RARB: variants seen among roughly 807,000 people sequenced by gnomAD.
The protein encoded by RARB is retinoic acid receptor beta.
In RARB, 17 loss-of-function variants were observed where a neutral mutation model predicts 51.9. The ratio of observed to expected loss-of-function variants is 0.33; its 90% CI spans 0.22 to 0.49. The LOEUF is 0.49. Among genes scored for constraint, RARB ranks in the 20% least tolerant of loss-of-function variants. RARB has a pLI of 0.99. For synonymous variants in RARB, 215 were observed against 195.4 expected, an observed-to-expected ratio of 1.10 and a Z score of -0.84; for missense variants, 369 against 550.8, an observed-to-expected ratio of 0.67 and a Z score of 3.30.
intron 4 of RARB, among the ~76,000 whole-genome samples, chr3:25,164,683 A>G (rs78433279): frequency 0.012 from 1,843 of 152,312 alleles, 33 homozygotes; most frequent in African/African-American, 0.039. Context: ...TGGGGACCCT[A>G]TTATGGTTTC....
chr3:25,315,604 T>C (rs540393552), intron 5 of RARB, among the ~76,000 whole-genome samples: 49 of 152,262 alleles, frequency 3.2e-4, no homozygotes, highest in African/African-American at 1.1e-3. Context: ...GGATGCATAG[T>C]GCTTCCTGCC....
chr3:25,026,620 T>C (rs1697755398), intron 2 of RARB, among the ~76,000 whole-genome samples: 1 of 111,230 alleles, frequency 9.0e-6, no homozygotes, highest in African/African-American at 3.4e-5. Context: ...AATCTCCAAA[T>C]CACATTCTGA....
intron 5 of RARB, among the ~76,000 whole-genome samples, chr3:25,406,909 C>T (rs1425204171): frequency 1.3e-5 from 2 of 152,192 alleles, no homozygotes; most frequent in Non-Finnish European, 2.9e-5. Context: ...GGCTGCTAAT[C>T]ATCCCCACCA....
At chr3:25,304,684 G>A (rs1704116435) in intron 5 of RARB, among the ~76,000 whole-genome samples, 1 of 152,056 alleles carries the variant, frequency 6.6e-6, no homozygotes, top group African/African-American at 2.4e-5. Flanking sequence ...ATTTCACCTG[G>A]GTTATTATAA....
At chr3:25,042,270 A>C (rs190924293) in intron 2 of RARB, among the ~76,000 whole-genome samples, 1 of 152,252 alleles carries the variant, frequency 6.6e-6, no homozygotes, top group African/African-American at 2.4e-5. Context: ...TTGTTCATCA[A>C]CAGGTCTACT....
chr3:25,008,213 G>A (rs1179762586), intron 2 of RARB, among the ~76,000 whole-genome samples: 2 of 152,126 alleles, frequency 1.3e-5, no homozygotes, highest in African/African-American at 4.8e-5. Context: ...GAATTTGAGT[G>A]CCTTTTGGCA....
chr3:24,960,877 T>C (rs752101518), intron 2 of RARB, among the ~76,000 whole-genome samples: 2 of 151,972 alleles, frequency 1.3e-5, no homozygotes, highest in Non-Finnish European at 2.9e-5. Flanking sequence ...CACATAAAAA[T>C]GTTTGGTAGG....
At chr3:25,160,883 C>G (rs1028980526) in intron 4 of RARB, among the ~76,000 whole-genome samples, 3 of 152,088 alleles carry the variant, frequency 2.0e-5, no homozygotes, top group Non-Finnish European at 4.4e-5. Context: ...AAGCACATCA[C>G]CCCAAATTCT....
intron 2 of RARB, among the ~76,000 whole-genome samples, chr3:24,958,556 A>G (rs531162753): frequency 1.3e-5 from 2 of 152,178 alleles, no homozygotes; most frequent in African/African-American, 4.8e-5. Context: ...TTCACTGTTT[A>G]GGAATTTATC....
chr3:25,059,706 A>C (rs868801481), intron 2 of RARB, among the ~76,000 whole-genome samples: 5 of 151,772 alleles, frequency 3.3e-5, no homozygotes, highest in African/African-American at 7.2e-5. Context: ...AACAAATTAC[A>C]AGAGAATACG....
chr3:25,488,877 A>G (rs1017062997), intron 2 of RARB, among the ~76,000 whole-genome samples: 16 of 152,184 alleles, frequency 1.1e-4, no homozygotes, highest in African/African-American at 3.9e-4. Flanking sequence ...CTGGAGAACA[A>G]TCTAACTAAT....
intron 3 of RARB, among the ~76,000 whole-genome samples, chr3:25,532,020 G>A (rs1698949753): frequency 6.6e-6 from 1 of 152,188 alleles, no homozygotes; most frequent in Non-Finnish European, 1.5e-5. Flanking sequence ...GAGCTGTGCA[G>A]TTTTAATGAA....
In RARB at chr3:25,052,247, G is replaced by C. The variant is rs575834646; in HGVS notation, c.-379-7878G>C. ...TATTATCACAATATGTGACAGAGAG[G>C]ATGCATCCCATTGTGTATGTGATTC... is the stretch of plus-strand genomic sequence containing the variant. On this transcript the variant is annotated intron_variant, in intron 2 of 11. Coordinates refer to the RARB transcript ENST00000383772. Among the ~76,000 whole-genome samples, 158 of 152,214 alleles carry C rather than the reference G, an allele frequency of 1.0e-3. 4 individuals are homozygous for C. The highest frequency in any genetic ancestry group is 0.01 in the Admixed American group (157 of 15,276).
chr3:25,109,775 G>A (rs1004762443), intron 3 of RARB, among the ~76,000 whole-genome samples: 1 of 152,162 alleles, frequency 6.6e-6, no homozygotes, highest in Non-Finnish European at 1.5e-5. Flanking sequence ...GGCAGCAGCA[G>A]TTTGTTTCAA....
At chr3:25,531,371 G>A (rs1280698067) in intron 3 of RARB, among the ~76,000 whole-genome samples, 1 of 131,148 alleles carries the variant, frequency 7.6e-6, no homozygotes, top group East Asian at 2.2e-4. Context: ...CAGATAGATA[G>A]GTAGATAGAT....
chr3:25,418,207 G>C (rs1255282221), intron 5 of RARB, among the ~76,000 whole-genome samples: 1 of 152,218 alleles, frequency 6.6e-6, no homozygotes, highest in Admixed American at 6.5e-5. Context: ...TATTGTAGGG[G>C]AAATAGAGAG....
chr3:24,870,398 A>G (rs1029297372), intron 2 of RARB, among the ~76,000 whole-genome samples: 2 of 152,062 alleles, frequency 1.3e-5, no homozygotes, highest in Non-Finnish European at 2.9e-5. Flanking sequence ...TTATAGTCCA[A>G]ACTTATCTCA....
chr3:25,259,107 A>C, intron 5 of RARB: 1 of 980,282 alleles, frequency 1.0e-6, no homozygotes, highest in Non-Finnish European at 1.2e-6. Context: ...TGTCTCATTC[A>C]AAATGACAAT....
At chr3:24,913,842 T>C (rs74946865) in intron 2 of RARB, among the ~76,000 whole-genome samples, 80 of 152,302 alleles carry the variant, frequency 5.3e-4, no homozygotes, top group Admixed American at 3.4e-3. Context: ...AAAGTGGATA[T>C]CCAGTCTAAA....
Sources: gnomAD v4.1 joint callset for allele counts (sites outside exome capture counted in the v4.1 genomes callset) on GRCh38, gnomAD v4.1.1 for gene constraint, MANE v1.5 for transcripts, NCBI Gene and HGNC (gene_info 2026-07-23, HGNC 2026-07-21) for gene names.